The following UBAP1 variants were observed in gnomAD, a reference collection of about 807,000 sequenced individuals.
UBAP1 encodes the protein ubiquitin-associated protein 1.
Under a neutral mutation model 39.0 loss-of-function variants are expected in UBAP1, and 5 were observed. The ratio of observed to expected loss-of-function variants is 0.13; its 90% confidence interval spans 0.07 to 0.27. UBAP1 has a LOEUF of 0.27. UBAP1 is among the 10% of genes least tolerant of loss of function. The pLI is 1.00. For synonymous variants in UBAP1, 211 were observed against 225.1 expected, an observed-to-expected ratio of 0.94 and a Z score of 0.56; for missense variants, 490 against 608.1, an observed-to-expected ratio of 0.81 and a Z score of 2.04.
At chr9:34,223,506 G>T (rs1054922186) in intron 2 of UBAP1, among the ~76,000 whole-genome samples, 2 of 152,120 alleles carry the variant, frequency 1.3e-5, no homozygotes, top group African/African-American at 2.4e-5. Flanking sequence ...CCAGGCTGGA[G>T]TGCAGTAGCA....
intron 1 of UBAP1, among the ~76,000 whole-genome samples, chr9:34,203,820 G>A (rs1466426249): frequency 1.3e-5 from 2 of 152,116 alleles, no homozygotes; most frequent in African/African-American, 4.8e-5. Flanking sequence ...TAGGCCTACA[G>A]TGTTCCCCTG....
chr9:34,191,855 G>A (rs1375651192), intron 1 of UBAP1: 4 of 152,142 alleles, frequency 2.6e-5, no homozygotes, highest in South Asian at 4.1e-4. Flanking sequence ...CAGAATTCAC[G>A]TGATGTTGTA....
chr9:34,211,098 A>G (rs751104602), intron 1 of UBAP1, among the ~76,000 whole-genome samples: 17 of 151,482 alleles, frequency 1.1e-4, no homozygotes, highest in Non-Finnish European at 2.2e-4. Flanking sequence ...TATCTTGAAT[A>G]CTCAATATTT....
chr9:34,240,710 G>A (rs1385179852), intron 3 of UBAP1, among the ~76,000 whole-genome samples: 1 of 150,598 alleles, frequency 6.6e-6, no homozygotes, highest in African/African-American at 2.4e-5. Context: ...TAGTCAGACT[G>A]CCTGGGTTCA....
In UBAP1 at chr9:34,193,470, G is replaced by T. The variant is rs141832385; in HGVS notation, c.-8+14230G>T. 3.2e-3 allele frequency among the ~76,000 whole-genome samples: 485 copies of T among 152,104 alleles called. 11 individuals are homozygous for T. The highest frequency in any genetic ancestry group is 0.024 in the Admixed American group (360 of 15,262). On this transcript the variant is annotated intron_variant, in intron 1 of 6. Transcript: ENST00000297661. ...GCACCAAGCAGTGGACACCAGCTCG[G>T]TGTTCTCCAATTCAGGTTGGGGGCT...
chr9:34,199,462 A>T (rs1383014663), intron 1 of UBAP1, among the ~76,000 whole-genome samples: 1 of 152,158 alleles, frequency 6.6e-6, no homozygotes, highest in African/African-American at 2.4e-5. Flanking sequence ...GAGATAGTAC[A>T]GAGAGTACAG....
At chr9:34,233,626 T>C (rs1833542268) in intron 2 of UBAP1, among the ~76,000 whole-genome samples, 2 of 152,132 alleles carry the variant, frequency 1.3e-5, no homozygotes, top group Non-Finnish European at 2.9e-5. Context: ...TATATTTCTT[T>C]GGGAAAGAGA....
Position 34,249,447 on chromosome 9 carries a change from C to G in UBAP1, c.1084-332C>G, listed in dbSNP as rs975781781. The stretch of plus-strand genomic sequence containing the variant: ...ACATCAGTCCCGGGGGCAGCCACAG[C>G]TTCTTTCTTCAACTCAAATCCTGGA... On this transcript the variant is annotated intron_variant, in intron 4 of 6. Transcript: ENST00000297661. Among the ~76,000 whole-genome samples, 9 of 152,286 alleles carry G rather than the reference C, an allele frequency of 5.9e-5. No homozygotes were observed. The East Asian group carries it at 1.7e-3, about 29-fold the overall frequency.
chr9:34,193,710 G>A (rs931631974), intron 1 of UBAP1, among the ~76,000 whole-genome samples: 1 of 152,220 alleles, frequency 6.6e-6, no homozygotes, highest in Non-Finnish European at 1.5e-5. Context: ...GATGCATAGA[G>A]CAAGGTATGG....
intron 1 of UBAP1, among the ~76,000 whole-genome samples, chr9:34,194,936 C>A (rs890074707): frequency 6.6e-6 from 1 of 152,126 alleles, no homozygotes. Flanking sequence ...GATTAAAACT[C>A]AAATGTTAAC....
Position 34,252,132 on chromosome 9 carries a change from T to G in UBAP1, c.*600T>G. 6.5e-6 allele frequency: 1 copy of G among 152,900 alleles called. No homozygotes were observed. The highest frequency in any genetic ancestry group is 1.5e-5 in the Non-Finnish European group (1 of 68,148). The allele number at this position is 152,900 out of a possible 1,614,324, so 9.5% of individuals were successfully genotyped here. A position where few individuals can be genotyped will look rare whatever the true frequency, so the allele number is the denominator to read the frequency against. The stretch of plus-strand genomic sequence containing the variant: ...CTTTTCTGCCAGGCAGTCACCATGC[T>G]TCCCTACCCCAGCCTGTTTCTTTTG... On this transcript the variant is annotated 3_prime_UTR_variant, in exon 7 of 7. Transcript: ENST00000297661.
chr9:34,198,406 G>A (rs1831181639), intron 1 of UBAP1, among the ~76,000 whole-genome samples: 1 of 152,092 alleles, frequency 6.6e-6, no homozygotes, highest in Admixed American at 6.6e-5. Context: ...GCCTGGTTGG[G>A]CAGGCAGGTT....
At chr9:34,195,940 T>G (rs1831023133) in intron 1 of UBAP1, among the ~76,000 whole-genome samples, 3 of 110,312 alleles carry the variant, frequency 2.7e-5, no homozygotes, top group Admixed American at 9.7e-5. Context: ...TTTTTTTTTT[T>G]TTTTTTTTTT....
chr9:34,251,430 G>A lies in UBAP1; in HGVS notation c.1407G>A (p.Glu469=). The change falls in exon 7 of 7, where the codon GAG becomes GAA. Residue 469 remains glutamate (E), a synonymous_variant. Coordinates refer to ENST00000297661, the MANE Select transcript of UBAP1 (RefSeq NM_016525.5). ...EFLQLMSKFK[E]MGFELKDIKE... is the part of the protein sequence containing the mutation. ...TTCAGTTAATGAGCAAATTTAAGGA[G>A]ATGGGCTTTGAGCTGAAAGACATTA... The A allele has an allele frequency of 6.2e-7, 1 of 1,614,180 alleles. No individual in the cohort carries two copies. Among genetic ancestry groups the A allele is most frequent in the Non-Finnish European group, 8.5e-7 (1 of 1,180,032 alleles).
At chr9:34,199,456 T>G (rs1189041290) in intron 1 of UBAP1, among the ~76,000 whole-genome samples, 24 of 152,192 alleles carry the variant, frequency 1.6e-4, no homozygotes, top group Admixed American at 1.6e-3. Flanking sequence ...TTTGTAGAGA[T>G]AGTACAGAGA....
At chr9:34,227,398 AATTTT>A (rs1332908474) in intron 2 of UBAP1, among the ~76,000 whole-genome samples, 14 of 152,254 alleles carry the variant, frequency 9.2e-5, no homozygotes, top group African/African-American at 2.9e-4. Context: ...ATTTTCACTT[AATTTT>A]AAGTTTGATC....
At chr9:34,242,552 CAG>C (rs1226476065) in intron 4 of UBAP1, among the ~76,000 whole-genome samples, 1 of 151,926 alleles carries the variant, frequency 6.6e-6, no homozygotes, top group Non-Finnish European at 1.5e-5. Flanking sequence ...TTTTTTGAGA[CAG>C]AGTCTTGCTC....
chr9:34,190,005 TAAC>T (rs1203765360), intron 1 of UBAP1, among the ~76,000 whole-genome samples: 1 of 152,170 alleles, frequency 6.6e-6, no homozygotes, highest in East Asian at 1.9e-4. Flanking sequence ...GAAACAAACT[TAAC>T]AACTTTTGTT....
At chr9:34,234,173 TGAA>T in intron 2 of UBAP1, 40 bp from the exon 3 acceptor site, 1 of 1,565,080 alleles carries the variant, frequency 6.4e-7, no homozygotes, top group Non-Finnish European at 8.6e-7. Context: ...AAACAAATAA[TGAA>T]GTTCTTTGCT....
Sources: allele counts gnomAD v4.1 joint callset (sites outside exome capture counted in the v4.1 genomes callset), GRCh38; gene constraint gnomAD v4.1.1; transcripts MANE v1.5; gene names NCBI Gene and HGNC (gene_info 2026-07-23, HGNC 2026-07-21).